Variants in ARMC9 observed in about 807,000 individuals in gnomAD.
ARMC9 encodes armadillo repeat containing 9.
In ARMC9, 94 loss-of-function variants were observed where a neutral mutation model predicts 107.0. That is an observed-to-expected ratio of 0.88 (90% CI 0.74 to 1.04). The LOEUF is 1.04. Ranked by LOEUF, ARMC9 falls within the 50% of genes least tolerant of loss-of-function variation. The pLI is 0.00. For missense variants in ARMC9, 942 were observed against 1,030.1 expected (o/e 0.91, Z 1.17); for synonymous variants, 380 against 396.9 (o/e 0.96, Z 0.51).
At chr2:231,220,763 T>C (rs1217095594) in intron 5 of ARMC9, among the ~76,000 whole-genome samples, 1 of 151,988 alleles carries the variant, frequency 6.6e-6, no homozygotes, top group Admixed American at 6.6e-5. Context: ...AAGAAAAAAA[T>C]AGGTGACTCA....
intron 20 of ARMC9, among the ~76,000 whole-genome samples, chr2:231,340,877 G>A (rs1490525129): frequency 6.6e-6 from 1 of 152,114 alleles, no homozygotes; most frequent in South Asian, 2.1e-4. Context: ...AACAGAGCAA[G>A]CTCCGTCTCA....
At chr2:231,333,180 T>C (rs2043856299) in intron 20 of ARMC9, among the ~76,000 whole-genome samples, 1 of 152,152 alleles carries the variant, frequency 6.6e-6, no homozygotes, top group South Asian at 2.1e-4. Flanking sequence ...CAGTGCTTGG[T>C]GGTGGGACTT....
intron 19 of ARMC9, among the ~76,000 whole-genome samples, chr2:231,302,433 G>GTTTTTTTTTTTTTTTT (rs1322418026): frequency 9.3e-5 from 9 of 96,446 alleles, no homozygotes; most frequent in Non-Finnish European, 1.5e-4. Flanking sequence ...AGCATTGTGG[G>GTTTTTTTTTTTTTTTT]TTTGTTTTTT....
At chr2:231,257,035 G>C (rs2037886914) in intron 10 of ARMC9, among the ~76,000 whole-genome samples, 1 of 152,288 alleles carries the variant, frequency 6.6e-6, no homozygotes, top group African/African-American at 2.4e-5. Context: ...GGCTGGTCTT[G>C]AACACCCAAC....
intron 23 of ARMC9, 66 bp from the exon 24 acceptor site, chr2:231,369,887 C>G (rs116694709): frequency 0.043 from 58,537 of 1,365,692 alleles, 1,391 homozygotes; most frequent in Non-Finnish European, 0.048. Context: ...AGCCACCACA[C>G]CCGGCCCCTC....
intron 1 of ARMC9, among the ~76,000 whole-genome samples, chr2:231,204,848 G>A (rs1041475177): frequency 6.6e-6 from 1 of 152,262 alleles, no homozygotes; most frequent in East Asian, 1.9e-4. Flanking sequence ...ACAGTGGCCA[G>A]TGTGGCTCAG....
intron 18 of ARMC9, among the ~76,000 whole-genome samples, 195 bp downstream of exon 18, chr2:231,291,638 A>G (rs1422445574): frequency 1.3e-5 from 2 of 152,018 alleles, no homozygotes; most frequent in Admixed American, 1.3e-4. Context: ...CAATATGGTG[A>G]AACGCTGTCT....
In ARMC9 at chr2:231,208,210, A is replaced by G; in HGVS notation, c.135A>G (p.Thr45=). 6.2e-7 allele frequency: 1 copy of G among 1,611,204 alleles called. No homozygotes were observed. The highest frequency in any genetic ancestry group is 8.5e-7 in the Non-Finnish European group (1 of 1,179,052). The stretch of plus-strand genomic sequence containing the variant: ...TAAAAGGAAAACCATTGTGTAAAAC[A>G]GTAGGCGGATCTTTCAGAGACTCCA... ...CKIKGKPLCK[T]VGGSFRDSKS... is the part of the protein sequence containing the mutation. The change falls in exon 3 of 25, where the codon ACA becomes ACG. Residue 45 remains threonine (T), a synonymous_variant. Coordinates refer to ENST00000611582, the MANE Select transcript of ARMC9 (RefSeq NM_001352754.2).
In ARMC9 at chr2:231,282,086, T is replaced by C. The variant is rs555196561; in HGVS notation, c.1579T>C (p.Tyr527His). ...EIQPYVNGAL[Y>H]SILSVPSIRE... ...ACAGCCGTATGTGAATGGAGCTCTG[T>C]ACAGCATCCTTTCTGTTCCATCCAT... The change falls in exon 17 of 25, where the codon TAC (tyrosine) becomes CAC (histidine). Residue 527 changes from tyrosine (Y) to histidine (H), a missense_variant. Transcript: ENST00000611582. 3.1e-6 allele frequency: 5 copies of C among 1,614,156 alleles called. No individual in the cohort carries two copies. The South Asian group carries it at 3.3e-5, about 11-fold the overall frequency.
intron 9 of ARMC9, among the ~76,000 whole-genome samples, chr2:231,253,303 T>C (rs2037469991): frequency 6.6e-6 from 1 of 151,916 alleles, no homozygotes; most frequent in South Asian, 2.1e-4. Flanking sequence ...TTAGTAGAGA[T>C]GGAGTGTCAC....
rs2045624078 is a variant in ARMC9 at position 231,362,362 on chromosome 2, T to A, written c.2261+1479T>A. On this transcript the variant is annotated intron_variant, in intron 23 of 24. Coordinates refer to ENST00000611582, the MANE Select transcript of ARMC9 (RefSeq NM_001352754.2). This position sits in a 1 kb window ranked among gnomAD's most constrained non-coding sequence, Gnocchi z 4.7. ...AGCCAGGCCAAACCTACGCTTCCGG[T>A]ATAGGCCACTTCTTTTTACTTCCTG... Among the ~76,000 whole-genome samples, 1 of 151,850 alleles carries A rather than the reference T, an allele frequency of 6.6e-6. No individual in the cohort carries two copies. The highest frequency in any genetic ancestry group is 1.5e-5 in the Non-Finnish European group (1 of 67,856).
In ARMC9 at chr2:231,360,995, C is replaced by T. The variant is rs2045552789; in HGVS notation, c.2261+112C>T. The T allele has an allele frequency of 4.3e-6, 6 of 1,409,080 alleles. No individual in the cohort carries two copies. Among genetic ancestry groups the T allele is most frequent in the South Asian group, 1.5e-5 (1 of 67,134 alleles). The allele number at this position is 1,409,080 out of a possible 1,614,324, so 87.3% of individuals were successfully genotyped here. Reference sequence around the variant, plus strand: ...CCTGGAAGGCTCCTCTGAGGCCCAGCCTCTGACAGGGGAGGCTAAGGAGCA... The same window carrying T: ...CCTGGAAGGCTCCTCTGAGGCCCAGTCTCTGACAGGGGAGGCTAAGGAGCA... On this transcript the variant is annotated intron_variant, in intron 23 of 24. Transcript: ENST00000611582. This position sits in a 1 kb window ranked among gnomAD's most constrained non-coding sequence, Gnocchi z 4.7.
At chr2:231,237,996 C>A (rs1286555907) in intron 8 of ARMC9, among the ~76,000 whole-genome samples, 1 of 151,476 alleles carries the variant, frequency 6.6e-6, no homozygotes, top group Non-Finnish European at 1.5e-5. Flanking sequence ...GAAGAAGAGA[C>A]CTGAAAAGTA....
In ARMC9 at chr2:231,350,946, C is replaced by CTTTTTT. The variant is rs770225857; in HGVS notation, c.1995-4827_1995-4822dup. Reference sequence around the variant, plus strand: ...ATCCTATTTGCACAAAGTGACAATTCTTTTTTTTTTTTTTTTTTTTTTTTT... The same window carrying CTTTTTT: ...ATCCTATTTGCACAAAGTGACAATTCTTTTTTTTTTTTTTTTTTTTTTTTTTTTTTT... On this transcript the variant is annotated intron_variant, in intron 21 of 24. Transcript: ENST00000611582. Among the ~76,000 whole-genome samples, 33 of 50,604 alleles carry CTTTTTT rather than the reference C, an allele frequency of 6.5e-4. 2 individuals carry two copies. Among genetic ancestry groups the CTTTTTT allele is most frequent in the African/African-American group, 1.3e-3 (13 of 10,078 alleles). The allele number at this position is 50,604 out of a possible 152,430, so 33.2% of individuals were successfully genotyped here. A position where few individuals can be genotyped will look rare whatever the true frequency, so the allele number is the denominator to read the frequency against.
At chr2:231,287,775 A>G (rs1574957228) in intron 17 of ARMC9, among the ~76,000 whole-genome samples, 2 of 152,148 alleles carry the variant, frequency 1.3e-5, no homozygotes, top group East Asian at 3.8e-4. Context: ...TTAGTGTAGA[A>G]ATTTTTCATA....
rs771790500 is a variant in ARMC9, at chr2:231,236,753, G to A, written c.780+1372G>A. Among the ~76,000 whole-genome samples, 6 of 152,070 alleles carry A rather than the reference G, an allele frequency of 3.9e-5. No homozygotes were observed. In the South Asian group the frequency reaches 6.2e-4, roughly 16 times the overall value. Reference sequence around the variant, plus strand: ...GTCAGGAGTTCAAGACCAGAGCCCCGGCCAACATGGCGAAACCCCGTCTCT... The same window carrying A: ...GTCAGGAGTTCAAGACCAGAGCCCCAGCCAACATGGCGAAACCCCGTCTCT... On this transcript the variant is annotated intron_variant, in intron 8 of 24. Transcript: ENST00000611582.
intron 17 of ARMC9, among the ~76,000 whole-genome samples, chr2:231,285,908 G>A (rs766178361): frequency 1.4e-4 from 22 of 152,108 alleles, no homozygotes; most frequent in South Asian, 1.0e-3. Context: ...TTTGCATGTA[G>A]GTCTCACATG....
intron 12 of ARMC9, among the ~76,000 whole-genome samples, chr2:231,267,006 C>T (rs2038912066): frequency 1.3e-5 from 2 of 152,202 alleles, no homozygotes; most frequent in Admixed American, 1.3e-4. Context: ...AAGCATCAGC[C>T]TTGCTCTGCA....
At chr2:231,288,752 G>A (rs2040787641) in intron 17 of ARMC9, 4 of 470,794 alleles carry the variant, frequency 8.5e-6, no homozygotes, top group African/African-American at 6.0e-5. Flanking sequence ...CCACACGGCC[G>A]GCGAGGGGCT....
Sources: allele counts gnomAD v4.1 joint callset (sites outside exome capture counted in the v4.1 genomes callset), GRCh38; gene constraint gnomAD v4.1.1; non-coding constraint Gnocchi (gnomAD v3.1); transcripts MANE v1.5; gene names NCBI Gene and HGNC (gene_info 2026-07-23, HGNC 2026-07-21).